RBMS3: variants seen among roughly 807,000 people sequenced by gnomAD.
RBMS3 encodes the protein RNA-binding motif, single-stranded-interacting protein 3.
Under a neutral mutation model 66.8 loss-of-function variants are expected in RBMS3, and 27 were observed. The ratio of observed to expected loss-of-function variants is 0.40; its 90% confidence interval spans 0.30 to 0.56. The LOEUF (loss-of-function observed/expected upper bound fraction) is 0.56. Ranked by LOEUF, RBMS3 falls within the 20% of genes least tolerant of loss-of-function variation. The pLI, the probability that RBMS3 is intolerant of heterozygous loss-of-function variation, is 0.40. For synonymous variants in RBMS3, 188 were observed against 183.0 expected (o/e 1.03, Z -0.22); for missense variants, 513 against 549.5 (o/e 0.93, Z 0.66).
intron 3 of RBMS3, among the ~76,000 whole-genome samples, chr3:29,522,652 G>C (rs2044906834): frequency 1.3e-5 from 2 of 152,162 alleles, no homozygotes; most frequent in South Asian, 4.1e-4. Flanking sequence ...TGCCAGGTGG[G>C]AGTTGGTACC....
chr3:29,905,206 T>A (rs963465683), intron 10 of RBMS3, among the ~76,000 whole-genome samples: 2 of 152,030 alleles, frequency 1.3e-5, no homozygotes, highest in East Asian at 3.9e-4. Flanking sequence ...TGAGTTCCAA[T>A]AAAACTATAT....
intron 1 of RBMS3, among the ~76,000 whole-genome samples, chr3:29,346,396 CTTTTTTTTTTT>C (rs34803214): frequency 3.3e-5 from 2 of 59,964 alleles, no homozygotes; most frequent in African/African-American, 1.4e-4. Context: ...GCAATTCATT[CTTTTTTTTTTT>C]TTTTTTTTTT....
chr3:29,295,372 T>C (rs2033186554), intron 1 of RBMS3, among the ~76,000 whole-genome samples: 1 of 147,064 alleles, frequency 6.8e-6, no homozygotes, highest in Non-Finnish European at 1.5e-5. Flanking sequence ...CACATATATA[T>C]ATATACACAT....
rs1166672486 is a variant in RBMS3 at position 29,281,536 on chromosome 3, C to T, written c.-146C>T. On this transcript the variant is annotated 5_prime_UTR_variant, in exon 1 of 15. Transcript: ENST00000383767. ...GTTTTGTTTTTTAAAAAAATTCTTG[C>T]TGTGTTGGAACTAGCGAGTGGTGGA... is the stretch of plus-strand genomic sequence containing the variant. 1.7e-5 allele frequency: 10 copies of T among 580,486 alleles called. No homozygotes were observed. The highest frequency in any genetic ancestry group is 2.2e-5 in the South Asian group (1 of 44,736). 36.0% of individuals were successfully genotyped at this position (580,486 alleles called of 1,614,324 possible).
At chr3:29,999,488 C>A (rs1187910600) in intron 14 of RBMS3, among the ~76,000 whole-genome samples, 1 of 152,124 alleles carries the variant, frequency 6.6e-6, no homozygotes, top group Non-Finnish European at 1.5e-5. Flanking sequence ...GCACTATTCA[C>A]AATAGCAAAG....
At chr3:29,351,589 T>C (rs2036916353) in intron 1 of RBMS3, among the ~76,000 whole-genome samples, 1 of 151,440 alleles carries the variant, frequency 6.6e-6, no homozygotes, top group African/African-American at 2.4e-5. Context: ...TTTTACTGAC[T>C]TTTTTGAGTT....
chr3:29,372,601 A>AT (rs2125605249), intron 1 of RBMS3, among the ~76,000 whole-genome samples: 1 of 152,170 alleles, frequency 6.6e-6, no homozygotes, highest in South Asian at 2.1e-4. Flanking sequence ...ATTCAACTTG[A>AT]TTTTTTAAAT....
chr3:29,824,410 A>C (rs2058153385), intron 6 of RBMS3, among the ~76,000 whole-genome samples: 1 of 152,128 alleles, frequency 6.6e-6, no homozygotes, highest in African/African-American at 2.4e-5. Context: ...TCTGTTGTTT[A>C]TAAGCCACCC....
At chr3:29,332,808 T>C (rs905475947) in intron 1 of RBMS3, among the ~76,000 whole-genome samples, 1 of 152,160 alleles carries the variant, frequency 6.6e-6, no homozygotes, top group Admixed American at 6.6e-5. Context: ...AATATATAAT[T>C]GATAACATTG....
At chr3:29,312,799 T>G (rs1470143262) in intron 1 of RBMS3, among the ~76,000 whole-genome samples, 1 of 151,588 alleles carries the variant, frequency 6.6e-6, no homozygotes, top group Non-Finnish European at 1.5e-5. Context: ...GTATTAACCT[T>G]TTGTAGAACT....
intron 1 of RBMS3, among the ~76,000 whole-genome samples, chr3:29,355,995 A>G (rs919597170): frequency 6.6e-6 from 1 of 152,106 alleles, no homozygotes; most frequent in African/African-American, 2.4e-5. Flanking sequence ...CAATAACTTA[A>G]TTCTGCCCAT....
intron 6 of RBMS3, among the ~76,000 whole-genome samples, chr3:29,825,162 A>G (rs1051561816): frequency 2.6e-5 from 4 of 151,778 alleles, no homozygotes; most frequent in Admixed American, 6.6e-5. Flanking sequence ...CAGCCTCCCA[A>G]GTAGCTGGGA....
intron 1 of RBMS3, among the ~76,000 whole-genome samples, chr3:29,323,195 A>C (rs935147915): frequency 2.6e-5 from 4 of 152,184 alleles, no homozygotes; most frequent in Non-Finnish European, 5.9e-5. Context: ...AGACAAACAC[A>C]TACACAGTTG....
chr3:29,608,771 C>A (rs2048395432), intron 4 of RBMS3, among the ~76,000 whole-genome samples: 1 of 151,970 alleles, frequency 6.6e-6, no homozygotes, highest in Non-Finnish European at 1.5e-5. Flanking sequence ...GCTGAGAGGG[C>A]AAGAGATCCA....
chr3:29,548,884 A>G (rs888669179), intron 3 of RBMS3, among the ~76,000 whole-genome samples: 9 of 152,132 alleles, frequency 5.9e-5, no homozygotes, highest in African/African-American at 2.2e-4. Context: ...ATTTTGGCCA[A>G]TAATTGTTAT....
intron 2 of RBMS3, among the ~76,000 whole-genome samples, chr3:29,476,995 A>T (rs935953757): frequency 1.3e-5 from 2 of 152,218 alleles, no homozygotes; most frequent in African/African-American, 4.8e-5. Flanking sequence ...TTAGGTACTT[A>T]TTCATAGTAA....
At chr3:29,907,383 G>A (rs17024587) in intron 10 of RBMS3, among the ~76,000 whole-genome samples, 3,561 of 152,084 alleles carry the variant, frequency 0.023, 154 homozygotes, top group African/African-American at 0.082. Flanking sequence ...GCTTTGGAAT[G>A]TATCCTTTGA....
intron 2 of RBMS3, among the ~76,000 whole-genome samples, chr3:29,471,802 T>C (rs2042738938): frequency 6.6e-6 from 1 of 151,202 alleles, no homozygotes; most frequent in Non-Finnish European, 1.5e-5. Flanking sequence ...AAATCCAATA[T>C]GTTATCTGAT....
chr3:29,941,542 C>T lies in RBMS3; in HGVS notation c.1051-2665C>T, dbSNP rs184026527. Among the ~76,000 whole-genome samples, 20 of 151,804 alleles carry T rather than the reference C, an allele frequency of 1.3e-4. No individual in the cohort carries two copies. In the East Asian group the frequency reaches 3.9e-3, roughly 30 times the overall value. On this transcript the variant is annotated intron_variant, in intron 11 of 14. Transcript: ENST00000383767. ...AATAGTTTAAAAAAATTGGTTTAGT[C>T]TTACTTTAAAATGAAAGACCTTTGA... is the stretch of plus-strand genomic sequence containing the variant.
Sources: gnomAD v4.1 joint callset for allele counts (sites outside exome capture counted in the v4.1 genomes callset) on GRCh38, gnomAD v4.1.1 for gene constraint, MANE v1.5 for transcripts, NCBI Gene and HGNC (gene_info 2026-07-23, HGNC 2026-07-21) for gene names.